The following MDGA2 variants were observed in gnomAD, a reference collection of about 807,000 sequenced individuals.
MDGA2 encodes the protein MAM domain-containing glycosylphosphatidylinositol anchor protein 2.
MDGA2 carries 40 observed loss-of-function variants against 117.8 expected under a neutral mutation model. That is an observed-to-expected ratio of 0.34 (90% CI 0.26 to 0.44). The LOEUF (loss-of-function observed/expected upper bound fraction) is 0.44, where lower values mean the gene tolerates loss of function less well. Among genes scored for constraint, MDGA2 ranks in the 20% least tolerant of loss-of-function variants. The pLI is 1.00. For synonymous variants in MDGA2, 452 were observed against 439.0 expected, an observed-to-expected ratio of 1.03 and a Z score of -0.37; for missense variants, 1,123 against 1,250.6, an observed-to-expected ratio of 0.90 and a Z score of 1.54.
At chr14:47,502,561 C>T (rs1894420266) in intron 1 of MDGA2, among the ~76,000 whole-genome samples, 1 of 152,168 alleles carries the variant, frequency 6.6e-6, no homozygotes, top group South Asian at 2.1e-4. Flanking sequence ...AACTAACTTT[C>T]TGAGAAGGTT....
chr14:47,395,243 C>T (rs1225027566), intron 1 of MDGA2, among the ~76,000 whole-genome samples: 2 of 151,988 alleles, frequency 1.3e-5, no homozygotes, highest in Admixed American at 1.3e-4. Context: ...AATTAGAGTC[C>T]TAATTTAAAA....
chr14:47,452,714 C>T (rs56015794), intron 1 of MDGA2, among the ~76,000 whole-genome samples: 4,221 of 152,038 alleles, frequency 0.028, 112 homozygotes, highest in Non-Finnish European at 0.035. Flanking sequence ...ATTTCCCAGT[C>T]CCATTGCATT....
chr14:47,383,908 A>G (rs1354475266), intron 1 of MDGA2, among the ~76,000 whole-genome samples: 2 of 152,082 alleles, frequency 1.3e-5, no homozygotes, highest in Non-Finnish European at 2.9e-5. Flanking sequence ...AGACAAAAAA[A>G]TTGTCATCTA....
Position 46,867,940 on chromosome 14 carries a change from T to C in MDGA2, c.2752+5493A>G, listed in dbSNP as rs553523192. Among the ~76,000 whole-genome samples, 195 of 147,352 alleles carry C rather than the reference T, an allele frequency of 1.3e-3. 2 individuals carry two copies. Among genetic ancestry groups the C allele is most frequent in the African/African-American group, 4.7e-3 (187 of 40,096 alleles). On this transcript the variant is annotated intron_variant, in intron 14 of 16. Transcript: ENST00000399232. ...TTCATCTTCTGTCTGTTTTTTTTTT[T>C]ACAATCTATAATGTCTTAATGAAAC...
intron 3 of MDGA2, among the ~76,000 whole-genome samples, chr14:47,212,718 T>C (rs1401929627): frequency 6.6e-6 from 1 of 152,216 alleles, no homozygotes; most frequent in Non-Finnish European, 1.5e-5. Flanking sequence ...AATCAAGTGT[T>C]GCTATTATGA....
intron 10 of MDGA2, among the ~76,000 whole-genome samples, chr14:46,916,998 T>TG (rs972775258): frequency 1.8e-5 from 2 of 111,414 alleles, no homozygotes; most frequent in African/African-American, 1.1e-4. Flanking sequence ...ACTAGAAATA[T>TG]GTTTTTTTTT....
In MDGA2 at chr14:46,855,063, A is replaced by G. The variant is rs754174328; in HGVS notation, c.2844T>C (p.Asn948=). 3 of 1,611,424 alleles carry G rather than the reference A, an allele frequency of 1.9e-6. No individual in the cohort carries two copies. The highest frequency in any genetic ancestry group is 2.5e-6 in the Non-Finnish European group (3 of 1,178,698). The part of the protein sequence containing the change: ...SSSGNKGQRW[N]EAHVNIYPIT... ...TTGGGTATATATTAACATGAGCCTC[A>G]TTCCATCTTTGTCCTTTATTCCCAC... The change falls in exon 15 of 17, where the codon AAT becomes AAC. Residue 948 remains asparagine (N), a synonymous_variant. Coordinates refer to ENST00000399232, the MANE Select transcript of MDGA2 (RefSeq NM_001113498.3). This position sits in a 1 kb window ranked among gnomAD's most constrained non-coding sequence, Gnocchi z 4.1.
intron 8 of MDGA2, among the ~76,000 whole-genome samples, chr14:47,002,892 C>G (rs1012520799): frequency 1.3e-5 from 2 of 151,922 alleles, no homozygotes; most frequent in Non-Finnish European, 2.9e-5. Flanking sequence ...TTGATAATTA[C>G]TGACATATAC....
intron 1 of MDGA2, among the ~76,000 whole-genome samples, chr14:47,307,288 T>G (rs1889484191): frequency 6.6e-6 from 1 of 152,200 alleles, no homozygotes; most frequent in African/African-American, 2.4e-5. Flanking sequence ...ATATATTTTT[T>G]GTGCATACAG....
At chr14:47,380,139 G>A (rs1891579860) in intron 1 of MDGA2, among the ~76,000 whole-genome samples, 1 of 152,152 alleles carries the variant, frequency 6.6e-6, no homozygotes, top group Non-Finnish European at 1.5e-5. Context: ...GTAATGAAAT[G>A]AAGGCAGAAA....
chr14:47,418,857 T>C (rs1175796556), intron 1 of MDGA2, among the ~76,000 whole-genome samples: 1 of 152,146 alleles, frequency 6.6e-6, no homozygotes, highest in African/African-American at 2.4e-5. Flanking sequence ...GGTCAGCTCA[T>C]TGGAAAGGGT....
chr14:47,403,720 T>C (rs1221424326), intron 1 of MDGA2, among the ~76,000 whole-genome samples: 1 of 152,076 alleles, frequency 6.6e-6, no homozygotes, highest in East Asian at 1.9e-4. Flanking sequence ...AATGATGGTG[T>C]TCAGGACAAG....
At chr14:47,065,261 T>A (rs1466470941) in intron 6 of MDGA2, among the ~76,000 whole-genome samples, 2 of 152,282 alleles carry the variant, frequency 1.3e-5, no homozygotes, top group East Asian at 3.9e-4. Context: ...TTTAACAGTA[T>A]ACTTGCAAGG....
At chr14:47,644,521 C>G (rs1319756051) in intron 1 of MDGA2, among the ~76,000 whole-genome samples, 2 of 151,992 alleles carry the variant, frequency 1.3e-5, no homozygotes, top group Non-Finnish European at 2.9e-5. Flanking sequence ...CAGAAGTACA[C>G]AGCAGAAGAG....
intron 1 of MDGA2, among the ~76,000 whole-genome samples, chr14:47,330,479 C>G (rs1890262742): frequency 6.6e-6 from 1 of 151,756 alleles, no homozygotes; most frequent in Non-Finnish European, 1.5e-5. Context: ...AGGAAATAAT[C>G]TACAAATATT....
chr14:47,645,538 T>G (rs913722975), intron 1 of MDGA2, among the ~76,000 whole-genome samples: 1 of 151,824 alleles, frequency 6.6e-6, no homozygotes, highest in Admixed American at 6.6e-5. Context: ...CCGGCCCAAT[T>G]CAATTCTTAT....
At chr14:47,529,270 T>C (rs1228703188) in intron 1 of MDGA2, among the ~76,000 whole-genome samples, 1 of 152,202 alleles carries the variant, frequency 6.6e-6, no homozygotes, top group Non-Finnish European at 1.5e-5. Flanking sequence ...AAAACTTCTA[T>C]AAATCATAGA....
chr14:47,612,190 TGATAGATA>T (rs200567621), intron 1 of MDGA2, among the ~76,000 whole-genome samples: 1 of 143,568 alleles, frequency 7.0e-6, no homozygotes, highest in Admixed American at 7.1e-5. Flanking sequence ...ATTTCAAATG[TGATAGATA>T]GATAGATAGA....
In MDGA2 at chr14:46,855,512, A is replaced by C. The variant is rs1881234987; in HGVS notation, c.2753-358T>G. Among the ~76,000 whole-genome samples, 2 of 152,096 alleles carry C rather than the reference A, an allele frequency of 1.3e-5. No individual in the cohort carries two copies. Among genetic ancestry groups the C allele is most frequent in the Admixed American group, 6.6e-5 (1 of 15,254 alleles). ...TTGATACAGGAAAGAAGGCCATGAGAGATAGAGATGTTACATGGCTGGTTT... is the reference window on the plus strand; with the variant it reads ...TTGATACAGGAAAGAAGGCCATGAGCGATAGAGATGTTACATGGCTGGTTT... On this transcript the variant is annotated intron_variant, in intron 14 of 16. Coordinates refer to ENST00000399232, the MANE Select transcript of MDGA2 (RefSeq NM_001113498.3). The surrounding 1 kb of genome is among the most constrained non-coding windows in gnomAD (Gnocchi z 4.1).
Sources: allele counts gnomAD v4.1 joint callset (sites outside exome capture counted in the v4.1 genomes callset), GRCh38; gene constraint gnomAD v4.1.1; non-coding constraint Gnocchi (gnomAD v3.1); transcripts MANE v1.5; gene names NCBI Gene and HGNC (gene_info 2026-07-23, HGNC 2026-07-21).